Variants in TRIM58 observed in about 807,000 individuals in gnomAD.
The protein encoded by TRIM58 is E3 ubiquitin-protein ligase TRIM58.
A neutral mutation model predicts 34.1 loss-of-function variants in TRIM58; 38 were observed. The observed-to-expected ratio is 1.12, with a 90% CI of 0.86 to 1.46. TRIM58 has a LOEUF of 1.46. Ranked by LOEUF, TRIM58 falls within the 40% of genes most tolerant of loss-of-function variation. The probability of loss-of-function intolerance (pLI) is 0.00; values close to 1 mark genes in which losing one functional copy is unlikely to be tolerated. For missense variants in TRIM58, 677 were observed against 642.0 expected (o/e 1.05, Z -0.59); for synonymous variants, 273 against 275.7 (o/e 0.99, Z 0.10).
Position 247,876,958 on chromosome 1 carries a change from T to C in TRIM58, c.*469T>C, listed in dbSNP as rs1164143497. 3.7e-5 allele frequency: 6 copies of C among 163,854 alleles called. No homozygotes were observed. In the East Asian group the frequency reaches 1.1e-3, roughly 30 times the overall value. 10.2% of individuals were successfully genotyped at this position (163,854 alleles called of 1,614,324 possible). A position where few individuals can be genotyped will look rare whatever the true frequency, so the allele number is the denominator to read the frequency against. On this transcript the variant is annotated 3_prime_UTR_variant, in exon 6 of 6. Coordinates refer to ENST00000366481, the MANE Select transcript of TRIM58 (RefSeq NM_015431.4). ...TCCTTCTCATTCTCTCCTTCCCCGC[T>C]CTGTCTCTCTCTCCCTGTCACTCTC...
rs1418094940 is a variant in TRIM58, at chr1:247,864,626, C to T, written c.517-79C>T. The T allele has an allele frequency of 3.4e-6, 5 of 1,470,636 alleles. No individual in the cohort carries two copies. In the African/African-American group the frequency reaches 6.9e-5, roughly 20 times the overall value. 91.1% of individuals were successfully genotyped at this position (1,470,636 alleles called of 1,614,324 possible). A position where few individuals can be genotyped will look rare whatever the true frequency, so the allele number is the denominator to read the frequency against. ...GTTACGGAGCCCGGGGAAGTCTGGA[C>T]ATTACCTTCTCCAGCACTGTCCTGT... On this transcript the variant is annotated intron_variant, in intron 2 of 5. Coordinates refer to ENST00000366481, the MANE Select transcript of TRIM58 (RefSeq NM_015431.4).
chr1:247,862,143 A>G (rs1663807859), intron 2 of TRIM58, among the ~76,000 whole-genome samples: 1 of 152,188 alleles, frequency 6.6e-6, no homozygotes. Flanking sequence ...AAAAAAAGGA[A>G]AAAAGAAAAG....
At chr1:247,869,319 G>T (rs146522691) in intron 5 of TRIM58, among the ~76,000 whole-genome samples, 217 of 152,276 alleles carry the variant, frequency 1.4e-3, no homozygotes, top group African/African-American at 4.7e-3. Context: ...AGGTGGGGGG[G>T]GGTGAGGCGT....
intron 1 of TRIM58, among the ~76,000 whole-genome samples, chr1:247,858,863 T>A (rs1450863554): frequency 6.9e-6 from 1 of 145,664 alleles, no homozygotes; most frequent in Non-Finnish European, 1.5e-5. Context: ...CGGGTCCTGG[T>A]GCAAGCAATT....
At chr1:247,869,583 A>G (rs1487288398) in intron 5 of TRIM58, among the ~76,000 whole-genome samples, 1 of 152,258 alleles carries the variant, frequency 6.6e-6, no homozygotes, top group African/African-American at 2.4e-5. Context: ...TGTCATAGGT[A>G]TGGTGCCTCC....
At position 247,857,304 on chromosome 1, in the gene TRIM58, C is replaced by G; in HGVS notation, c.58C>G (p.Leu20Val). 1 of 1,427,218 alleles carries G rather than the reference C, an allele frequency of 7.0e-7. No individual in the cohort carries two copies. The highest frequency in any genetic ancestry group is 9.2e-7 in the Non-Finnish European group (1 of 1,082,430). The allele number at this position is 1,427,218 out of a possible 1,614,324, so 88.4% of individuals were successfully genotyped here. A position where few individuals can be genotyped will look rare whatever the true frequency, so the allele number is the denominator to read the frequency against. ...CGAGGATGCGCGGTGCCCGGTGTGC[C>G]TGGATTTCCTGCAGGAGCCGGTCAG... ...LREDARCPVC[L>V]DFLQEPVSVD... Residue 20 changes from leucine (L) to valine (V), a missense_variant, in exon 1 of 6, where the codon CTG becomes GTG. Coordinates refer to ENST00000366481, the MANE Select transcript of TRIM58 (RefSeq NM_015431.4).
chr1:247,857,282 G>A lies in TRIM58; in HGVS notation c.36G>A (p.Glu12=), dbSNP rs1299819136. The A allele has an allele frequency of 2.9e-6, 4 of 1,373,276 alleles. No individual in the cohort carries two copies. The highest frequency in any genetic ancestry group is 3.8e-6 in the Non-Finnish European group (4 of 1,055,504). 85.1% of individuals were successfully genotyped at this position (1,373,276 alleles called of 1,614,324 possible). ...CGCCGCCCGGGGAGCGGCTGCGCGA[G>A]GATGCGCGGTGCCCGGTGTGCCTGG... ...AWAPPGERLR[E]DARCPVCLDF... is the part of the protein sequence containing the mutation. Residue 12 remains glutamate, a synonymous_variant, in exon 1 of 6, where the codon GAG becomes GAA. Coordinates refer to ENST00000366481, the MANE Select transcript of TRIM58 (RefSeq NM_015431.4).
In TRIM58 at chr1:247,857,533, G is replaced by A; in HGVS notation, c.287G>A (p.Cys96Tyr). Residue 96 changes from cysteine (C) to tyrosine (Y), a missense_variant, in exon 1 of 6, where the codon TGC (cysteine) becomes TAC (tyrosine). By Grantham distance (194) the Cys-to-Tyr change is radical. Transcript: ENST00000366481. Reference sequence around the variant, plus strand: ...GGCGCGGGGCCCGGGGCGCGGCGATGCGCGCGGCACGGCGAGGACCTGAGC... The same window carrying A: ...GGCGCGGGGCCCGGGGCGCGGCGATACGCGCGGCACGGCGAGGACCTGAGC... ...GLGAGPGARR[C>Y]ARHGEDLSRF... The A allele has an allele frequency of 1.6e-6, 2 of 1,283,932 alleles. No homozygotes were observed. The highest frequency in any genetic ancestry group is 6.3e-5 in the East Asian group (2 of 31,644). 79.5% of individuals were successfully genotyped at this position (1,283,932 alleles called of 1,614,324 possible).
intron 5 of TRIM58, among the ~76,000 whole-genome samples, chr1:247,875,545 C>G (rs936914593): frequency 4.2e-5 from 6 of 144,230 alleles, no homozygotes; most frequent in Non-Finnish European, 5.9e-5. Context: ...CTCTCTGTCT[C>G]TCTCTCTCTC....
intron 5 of TRIM58, 34 bp from the exon 6 acceptor site, chr1:247,875,866 T>G: frequency 6.4e-7 from 1 of 1,559,134 alleles, no homozygotes; most frequent in Non-Finnish European, 8.7e-7. Context: ...GTCCTTTCTT[T>G]CCTTTCACCT....
At position 247,876,372 on chromosome 1, in the gene TRIM58, T is replaced by C; in HGVS notation, c.1344T>C (p.Phe448=). Residue 448 remains phenylalanine, a synonymous_variant, in exon 6 of 6, where the codon TTT becomes TTC. Transcript: ENST00000366481. ...TCTCTGGTCTTCTTCGGCCTTACTT[T>C]TTCATCTGTGATGCAACTCCTCTTA... ...QLFSGLLRPY[F]FICDATPLIL... is the part of the protein sequence containing the mutation. The C allele has an allele frequency of 1.2e-6, 2 of 1,614,216 alleles. No homozygotes were observed. The highest frequency in any genetic ancestry group is 1.1e-5 in the South Asian group (1 of 91,090).
At chr1:247,871,587 C>G (rs929670439) in intron 5 of TRIM58, among the ~76,000 whole-genome samples, 3 of 152,186 alleles carry the variant, frequency 2.0e-5, no homozygotes, top group African/African-American at 7.2e-5. Flanking sequence ...ATAGTACCCA[C>G]GTTCTCCTGG....
chr1:247,875,562 G>GCACA (rs370248676), intron 5 of TRIM58, among the ~76,000 whole-genome samples: 41 of 149,192 alleles, frequency 2.7e-4, no homozygotes, highest in Non-Finnish European at 3.7e-4. Context: ...TCTCTCTCAC[G>GCACA]CACACACACA....
Position 247,860,712 on chromosome 1 carries a change from G to T in TRIM58, c.516G>T (p.Lys172Asn). 1 of 1,611,932 alleles carries T rather than the reference G, an allele frequency of 6.2e-7. No homozygotes were observed. Among genetic ancestry groups the T allele is most frequent in the South Asian group, 1.1e-5 (1 of 90,980 alleles). ...TGGGGAAAAAGACTGTCATTTGGAA[G>T]GTAAGACCATGTTGGGGCTTTAGGA... ...ANVGKKTVIW[K>N]EKVEMQRQRF... Residue 172 changes from lysine to asparagine, a missense_variant and splice_region_variant, in exon 2 of 6, where the codon AAG becomes AAT. By Grantham distance (94) the Lys-to-Asn change is moderately conservative. Transcript: ENST00000366481.
Position 247,860,681 on chromosome 1 carries a change from CCAACGTGG to C in TRIM58, c.486_493del (p.Asn163GlufsTer22). ...TTGGAGGACGCCTTGACTCAGGAGGCCAACGTGGGGAAAAAGACTGTCATTTGGAAGGT... is the reference window on the plus strand; with the variant it reads ...TTGGAGGACGCCTTGACTCAGGAGGCGGAAAAAGACTGTCATTTGGAAGGT... On this transcript the variant is annotated frameshift_variant, in exon 2 of 6. Transcript: ENST00000366481. LOFTEE classifies it high-confidence loss of function. The C allele has an allele frequency of 6.2e-7, 1 of 1,613,550 alleles. No homozygotes were observed. The highest frequency in any genetic ancestry group is 8.5e-7 in the Non-Finnish European group (1 of 1,179,748).
chr1:247,868,003 A>T lies in TRIM58; in HGVS notation c.811A>T (p.Met271Leu). The T allele has an allele frequency of 6.2e-7, 1 of 1,612,766 alleles. No homozygotes were observed. Among genetic ancestry groups the T allele is most frequent in the Non-Finnish European group, 8.5e-7 (1 of 1,179,690 alleles). Residue 271 changes from methionine to leucine, a missense_variant, in exon 5 of 6, where the codon ATG becomes TTG. Met to Leu is a conservative substitution (Grantham distance 15, BLOSUM62 2). Coordinates refer to ENST00000366481, the MANE Select transcript of TRIM58 (RefSeq NM_015431.4). ...VTRLEAENIP[M>L]ELKTACCIPG... Reference sequence around the variant, plus strand: ...AAGGCTGGAAGCAGAGAACATCCCCATGGAACTGAAGACAGCATGCTGCAT... The same window carrying T: ...AAGGCTGGAAGCAGAGAACATCCCCTTGGAACTGAAGACAGCATGCTGCAT...
chr1:247,867,777 G>C (rs1179006773), intron 3 of TRIM58, 68 bp from the exon 4 acceptor site: 2 of 1,580,944 alleles, frequency 1.3e-6, no homozygotes, highest in African/African-American at 1.3e-5. Flanking sequence ...ATTTTTATGG[G>C]GTCTTCAGTC....
chr1:247,857,324 G>T lies in TRIM58; in HGVS notation c.78G>T (p.Pro26=). The change falls in exon 1 of 6, where the codon CCG becomes CCT. Residue 26 remains proline (P), a synonymous_variant. Transcript: ENST00000366481. The part of the protein sequence containing the change: ...CPVCLDFLQE[P]VSVDCGHSFC... ...TGTGCCTGGATTTCCTGCAGGAGCCGGTCAGCGTGGACTGCGGCCACAGCT... is the reference window on the plus strand; with the variant it reads ...TGTGCCTGGATTTCCTGCAGGAGCCTGTCAGCGTGGACTGCGGCCACAGCT... 1 of 1,465,344 alleles carries T rather than the reference G, an allele frequency of 6.8e-7. No individual in the cohort carries two copies. The highest frequency in any genetic ancestry group is 9.1e-7 in the Non-Finnish European group (1 of 1,104,228). 90.8% of individuals were successfully genotyped at this position (1,465,344 alleles called of 1,614,324 possible). A position where few individuals can be genotyped will look rare whatever the true frequency, so the allele number is the denominator to read the frequency against.
rs1659287594 is a variant in TRIM58 at position 247,876,375 on chromosome 1, C to G, written c.1347C>G (p.Phe449Leu). The change falls in exon 6 of 6, where the codon TTC (phenylalanine) becomes TTG (leucine). Residue 449 changes from phenylalanine to leucine, a missense_variant. By Grantham distance (22) the Phe-to-Leu change is conservative. Transcript: ENST00000366481. ...CTGGTCTTCTTCGGCCTTACTTTTT[C>G]ATCTGTGATGCAACTCCTCTTATCT... ...LFSGLLRPYF[F>L]ICDATPLILP... 1 of 1,614,074 alleles carries G rather than the reference C, an allele frequency of 6.2e-7. No homozygotes were observed. The highest frequency in any genetic ancestry group is 1.3e-5 in the African/African-American group (1 of 74,916).
Sources: allele counts gnomAD v4.1 joint callset (sites outside exome capture counted in the v4.1 genomes callset), GRCh38; gene constraint gnomAD v4.1.1; transcripts MANE v1.5; gene names NCBI Gene and HGNC (gene_info 2026-07-23, HGNC 2026-07-21).